The following RNGTT variants were observed in gnomAD, a reference collection of about 807,000 sequenced individuals.
RNGTT encodes the protein RNA guanylyltransferase and 5'-phosphatase.
A neutral mutation model predicts 79.3 loss-of-function variants in RNGTT; 33 were observed. The observed-to-expected ratio is 0.42, with a 90% confidence interval of 0.32 to 0.56. RNGTT has a LOEUF of 0.56. Ranked by LOEUF, RNGTT falls within the 20% of genes least tolerant of loss-of-function variation. The probability of loss-of-function intolerance (pLI) is 0.17; values close to 1 mark genes in which losing one functional copy is unlikely to be tolerated. For synonymous variants in RNGTT, 222 were observed against 235.9 expected (o/e 0.94, Z 0.54); for missense variants, 497 against 739.1 (o/e 0.67, Z 3.80).
intron 13 of RNGTT, among the ~76,000 whole-genome samples, chr6:88,759,556 A>G (rs1317804763): frequency 6.6e-6 from 1 of 152,138 alleles, no homozygotes; most frequent in Non-Finnish European, 1.5e-5. Flanking sequence ...ACATGCACAT[A>G]CATGTGAACA....
chr6:88,963,535 A>C lies in RNGTT; in HGVS notation c.-126T>G. 4 of 857,952 alleles carry C rather than the reference A, an allele frequency of 4.7e-6. No homozygotes were observed. The highest frequency in any genetic ancestry group is 3.9e-5 in the South Asian group (2 of 51,346). The allele number at this position is 857,952 out of a possible 1,614,324, so 53.1% of individuals were successfully genotyped here. Reference sequence around the variant, plus strand: ...AATCGCAGCCGTAATCTGAATTCCAACCTCTCCGATCCGGGTAACGTCAGG... The same window carrying C: ...AATCGCAGCCGTAATCTGAATTCCACCCTCTCCGATCCGGGTAACGTCAGG... On this transcript the variant is annotated 5_prime_UTR_variant, in exon 1 of 16. Transcript: ENST00000369485.
intron 12 of RNGTT, among the ~76,000 whole-genome samples, chr6:88,776,760 T>A (rs1290733004): frequency 6.6e-6 from 1 of 152,108 alleles, no homozygotes; most frequent in Non-Finnish European, 1.5e-5. Flanking sequence ...ATTATAGATA[T>A]CCCCTTATCA....
intron 1 of RNGTT, among the ~76,000 whole-genome samples, chr6:88,952,325 T>A (rs1488928315): frequency 6.6e-6 from 1 of 152,238 alleles, no homozygotes; most frequent in Admixed American, 6.5e-5. Flanking sequence ...CTGATGGTAT[T>A]TCTCTACCTG....
intron 13 of RNGTT, among the ~76,000 whole-genome samples, chr6:88,723,618 AAAATT>A (rs1363867934): frequency 6.6e-6 from 1 of 152,252 alleles, no homozygotes; most frequent in East Asian, 1.9e-4. Context: ...GTAAAATTGA[AAAATT>A]AAAAAGCATT....
At chr6:88,843,167 G>A (rs1347406945) in intron 11 of RNGTT, among the ~76,000 whole-genome samples, 1 of 147,254 alleles carries the variant, frequency 6.8e-6, no homozygotes, top group African/African-American at 2.5e-5. Flanking sequence ...AAAAAAAAGA[G>A]TGCTGGCAAT....
intron 14 of RNGTT, among the ~76,000 whole-genome samples, chr6:88,668,910 T>G (rs914922471): frequency 2.0e-5 from 3 of 152,192 alleles, no homozygotes; most frequent in African/African-American, 7.2e-5. Flanking sequence ...ACATTTGTCA[T>G]GAATTAGGAC....
intron 13 of RNGTT, among the ~76,000 whole-genome samples, chr6:88,689,352 C>A (rs1019271448): frequency 1.3e-5 from 2 of 152,110 alleles, no homozygotes; most frequent in South Asian, 2.1e-4. Flanking sequence ...ATAATCCCAG[C>A]ACTTTGGGAG....
chr6:88,801,541 C>T, intron 12 of RNGTT, 23 bp downstream of exon 12: 2 of 1,593,690 alleles, frequency 1.3e-6, no homozygotes, highest in South Asian at 1.1e-5. Context: ...AACGAACACA[C>T]ACACACAGAC....
intron 6 of RNGTT, among the ~76,000 whole-genome samples, chr6:88,895,229 CTGTGTGTG>C (rs5878081): frequency 0.11 from 15,934 of 145,132 alleles, 917 homozygotes; most frequent in South Asian, 0.2. Flanking sequence ...AGAGAGAGCT[CTGTGTGTG>C]TGTGTGTGTG....
At chr6:88,788,223 G>C (rs1779293655) in intron 12 of RNGTT, among the ~76,000 whole-genome samples, 1 of 152,120 alleles carries the variant, frequency 6.6e-6, no homozygotes, top group African/African-American at 2.4e-5. Context: ...AAATTCATAG[G>C]TATGGATGAG....
intron 13 of RNGTT, among the ~76,000 whole-genome samples, chr6:88,762,423 C>T (rs1197452735): frequency 6.6e-6 from 1 of 152,160 alleles, no homozygotes; most frequent in East Asian, 1.9e-4. Flanking sequence ...TTTTGATTAT[C>T]ATAAATTTAA....
chr6:88,825,063 A>T (rs1780614587), intron 11 of RNGTT, among the ~76,000 whole-genome samples: 1 of 152,182 alleles, frequency 6.6e-6, no homozygotes, highest in Non-Finnish European at 1.5e-5. Flanking sequence ...TTTCTAAAAA[A>T]CATGTAAGTA....
chr6:88,727,083 T>A lies in RNGTT; in HGVS notation c.1439+42691A>T, dbSNP rs142611769. On this transcript the variant is annotated intron_variant, in intron 13 of 15. Transcript: ENST00000369485. ...ATAACTGGTTGTTTAAAGAAAGGGATGTTTGCAACAAGTCAGAAAGTTGAG... is the reference window on the plus strand; with the variant it reads ...ATAACTGGTTGTTTAAAGAAAGGGAAGTTTGCAACAAGTCAGAAAGTTGAG... 5.1e-3 allele frequency among the ~76,000 whole-genome samples: 771 copies of A among 152,158 alleles called. 6 individuals carry two copies. The highest frequency in any genetic ancestry group is 0.01 in the Middle Eastern group (3 of 294).
At chr6:88,623,644 CTT>C in intron 14 of RNGTT, among the ~76,000 whole-genome samples, 1 of 152,164 alleles carries the variant, frequency 6.6e-6, no homozygotes, top group African/African-American at 2.4e-5. Flanking sequence ...AAACTGGTCT[CTT>C]TTGTATTTTT....
intron 13 of RNGTT, among the ~76,000 whole-genome samples, chr6:88,682,793 T>C (rs1775138840): frequency 6.6e-6 from 1 of 152,124 alleles, no homozygotes; most frequent in Non-Finnish European, 1.5e-5. Context: ...ATGCAGATCA[T>C]AGCCTCAGAA....
chr6:88,768,163 T>C (rs13206785), intron 13 of RNGTT, among the ~76,000 whole-genome samples: 2 of 151,888 alleles, frequency 1.3e-5, no homozygotes, highest in Non-Finnish European at 2.9e-5. Flanking sequence ...TGTGTGTGTT[T>C]CTTTTTCTTT....
intron 14 of RNGTT, among the ~76,000 whole-genome samples, chr6:88,622,403 A>G (rs1772470922): frequency 2.0e-5 from 3 of 151,712 alleles, no homozygotes. Context: ...TCTTTCATCT[A>G]CTCTCATGTG....
At chr6:88,705,054 A>G (rs899299448) in intron 13 of RNGTT, among the ~76,000 whole-genome samples, 2 of 152,126 alleles carry the variant, frequency 1.3e-5, no homozygotes, top group African/African-American at 4.8e-5. Context: ...ATTACTAAAG[A>G]CTTCTCAACC....
chr6:88,691,230 T>G (rs963503217), intron 13 of RNGTT, among the ~76,000 whole-genome samples: 1 of 152,126 alleles, frequency 6.6e-6, no homozygotes, highest in Non-Finnish European at 1.5e-5. Flanking sequence ...CCTCCCCCTT[T>G]GCGCTCTCTT....
Sources: gnomAD v4.1 joint callset for allele counts (sites outside exome capture counted in the v4.1 genomes callset) on GRCh38, gnomAD v4.1.1 for gene constraint, MANE v1.5 for transcripts, NCBI Gene and HGNC (gene_info 2026-07-23, HGNC 2026-07-21) for gene names.